The following TLL1 variants were observed in gnomAD, a reference collection of about 807,000 sequenced individuals.
TLL1 encodes tolloid like 1.
Under a neutral mutation model 128.2 loss-of-function variants are expected in TLL1, and 49 were observed. The observed-to-expected ratio is 0.38, with a 90% CI of 0.30 to 0.48. The LOEUF (loss-of-function observed/expected upper bound fraction) is 0.48. TLL1 is among the 20% of genes least tolerant of loss of function. The pLI is 0.96. For synonymous variants in TLL1, 454 were observed against 418.8 expected (o/e 1.08, Z -1.03); for missense variants, 1,123 against 1,242.0 (o/e 0.90, Z 1.44).
At chr4:165,890,108 C>A (rs1421976694) in intron 1 of TLL1, among the ~76,000 whole-genome samples, 1 of 152,104 alleles carries the variant, frequency 6.6e-6, no homozygotes. Context: ...GAGAAGGCCC[C>A]TTATAAAACC....
At chr4:165,937,187 T>A (rs1047661576) in intron 1 of TLL1, among the ~76,000 whole-genome samples, 1 of 152,180 alleles carries the variant, frequency 6.6e-6, no homozygotes, top group Non-Finnish European at 1.5e-5. Flanking sequence ...TATCATTTAT[T>A]ACTGTTTCTT....
At chr4:166,087,341 A>G (rs967609800) in intron 18 of TLL1, among the ~76,000 whole-genome samples, 1 of 152,184 alleles carries the variant, frequency 6.6e-6, no homozygotes, top group Non-Finnish European at 1.5e-5. Flanking sequence ...TCATAAATCC[A>G]TAAAAATATA....
intron 18 of TLL1, among the ~76,000 whole-genome samples, chr4:166,080,589 G>T (rs563668499): frequency 6.6e-6 from 1 of 151,792 alleles, no homozygotes; most frequent in South Asian, 2.1e-4. Context: ...GCCTTTTTGT[G>T]TCTCTTTTTT....
At chr4:165,888,636 T>C (rs1347744605) in intron 1 of TLL1, among the ~76,000 whole-genome samples, 2 of 152,114 alleles carry the variant, frequency 1.3e-5, no homozygotes, top group African/African-American at 4.8e-5. Flanking sequence ...TCTGTCATAA[T>C]GTCAATTCAG....
intron 6 of TLL1, among the ~76,000 whole-genome samples, chr4:166,004,729 C>G (rs1271876075): frequency 6.6e-6 from 1 of 151,938 alleles, no homozygotes; most frequent in East Asian, 1.9e-4. Flanking sequence ...TTTTATGTGA[C>G]CATTATGGTT....
intron 3 of TLL1, 138 bp from the exon 4 acceptor site, chr4:165,994,243 T>C: frequency 1.1e-6 from 1 of 930,742 alleles, no homozygotes; most frequent in Non-Finnish European, 1.7e-6. Context: ...AACTGAAGTT[T>C]TTCTTTAATG....
At chr4:166,011,820 A>G (rs1737707450) in intron 7 of TLL1, among the ~76,000 whole-genome samples, 1 of 151,288 alleles carries the variant, frequency 6.6e-6, no homozygotes, top group African/African-American at 2.4e-5. Context: ...CTATTCCTAG[A>G]TTTTTGTGTG....
At chr4:166,020,717 T>C (rs572927449) in intron 8 of TLL1, among the ~76,000 whole-genome samples, 8 of 152,326 alleles carry the variant, frequency 5.3e-5, no homozygotes, top group African/African-American at 1.4e-4. Flanking sequence ...TATAACTGTT[T>C]AGTATTTAGA....
intron 1 of TLL1, chr4:165,919,753 C>A (rs138831989): frequency 4.4e-6 from 2 of 452,422 alleles, no homozygotes; most frequent in South Asian, 1.6e-5. Flanking sequence ...TGTGGCCAGA[C>A]GTGGATGCAG....
chr4:165,966,000 A>G lies in TLL1; in HGVS notation c.170-23381A>G, dbSNP rs370122330. ...TCAAGACCAGCGTGGCCAAGATGGC[A>G]AAACCCTGTCTCTACTAAAAATACA... On this transcript the variant is annotated intron_variant, in intron 1 of 20. Transcript: ENST00000061240. 5.2e-3 allele frequency among the ~76,000 whole-genome samples: 787 copies of G among 152,096 alleles called. 12 individuals carry two copies. Among genetic ancestry groups the G allele is most frequent in the African/African-American group, 0.018 (733 of 41,520 alleles).
rs1740282972 is a variant in TLL1 at position 166,060,934 on chromosome 4, T to A, written c.2007+746T>A. Among the ~76,000 whole-genome samples, 5 of 152,336 alleles carry A rather than the reference T, an allele frequency of 3.3e-5. No individual in the cohort carries two copies. The Middle Eastern group carries it at 0.014, about 415-fold the overall frequency. On this transcript the variant is annotated intron_variant, in intron 15 of 20. Coordinates refer to ENST00000061240, the MANE Select transcript of TLL1 (RefSeq NM_012464.5). ...AACGTTTGTTTTGTTTCGTCTTCTG[T>A]ACGTTCTCTTCTTTTTCTAACTTCC... is the stretch of plus-strand genomic sequence containing the variant.
At chr4:166,021,603 T>G (rs976152319) in intron 8 of TLL1, among the ~76,000 whole-genome samples, 7 of 152,066 alleles carry the variant, frequency 4.6e-5, no homozygotes, top group African/African-American at 1.7e-4. Flanking sequence ...CGGCTAAATT[T>G]TGTATTTTTA....
chr4:165,966,654 C>T (rs756025082), intron 1 of TLL1, among the ~76,000 whole-genome samples: 7 of 152,116 alleles, frequency 4.6e-5, no homozygotes, highest in Non-Finnish European at 5.9e-5. Context: ...CATCACATGT[C>T]GGCAGGTTCC....
intron 1 of TLL1, among the ~76,000 whole-genome samples, chr4:165,909,385 A>G (rs980972349): frequency 6.6e-6 from 1 of 152,216 alleles, no homozygotes. Flanking sequence ...TTTAAAGTTC[A>G]GAGGAGAGTC....
At chr4:165,969,034 A>G (rs1316871473) in intron 1 of TLL1, among the ~76,000 whole-genome samples, 1 of 152,200 alleles carries the variant, frequency 6.6e-6, no homozygotes, top group Non-Finnish European at 1.5e-5. Flanking sequence ...AGCAAAACCC[A>G]AAACGTATTT....
chr4:166,051,902 A>G (rs1739757938), intron 12 of TLL1, among the ~76,000 whole-genome samples: 1 of 152,224 alleles, frequency 6.6e-6, no homozygotes, highest in African/African-American at 2.4e-5. Flanking sequence ...ATAAATATGT[A>G]CTAGTGAATT....
At position 166,075,103 on chromosome 4, in the gene TLL1, A is replaced by G. The variant is rs147122722; in HGVS notation, c.2314+100A>G. 72 of 1,531,882 alleles carry G rather than the reference A, an allele frequency of 4.7e-5. 1 individual carries two copies. In the East Asian group the frequency reaches 1.5e-3, roughly 33 times the overall value. The allele number at this position is 1,531,882 out of a possible 1,614,324, so 94.9% of individuals were successfully genotyped here. ...AGAGTTAATCATTTCAATGAGTGAT[A>G]TCATGGTGGGCTATCCAAATGTCAA... On this transcript the variant is annotated intron_variant, in intron 17 of 20. Coordinates refer to ENST00000061240, the MANE Select transcript of TLL1 (RefSeq NM_012464.5).
Position 166,042,003 on chromosome 4 carries a change from T to C in TLL1, c.1262-24T>C, listed in dbSNP as rs780486857. The C allele has an allele frequency of 1.6e-5, 24 of 1,525,014 alleles. No individual in the cohort carries two copies. The Admixed American group carries it at 4.0e-4, about 26-fold the overall frequency. 94.5% of individuals were successfully genotyped at this position (1,525,014 alleles called of 1,614,324 possible). ...ATATAGAGTCCTATTTAGGAGTTTC[T>C]CTTTATTCTTTTATTTCTTTTAGGT... On this transcript the variant is annotated intron_variant, in intron 10 of 20. Coordinates refer to ENST00000061240, the MANE Select transcript of TLL1 (RefSeq NM_012464.5).
intron 12 of TLL1, chr4:166,044,334 C>A (rs930471089): frequency 1.3e-6 from 2 of 1,532,240 alleles, no homozygotes; most frequent in Admixed American, 2.0e-5. Flanking sequence ...GGGCAGTGAC[C>A]GTGGTCATGG....
Sources: allele counts gnomAD v4.1 joint callset (sites outside exome capture counted in the v4.1 genomes callset), GRCh38; gene constraint gnomAD v4.1.1; transcripts MANE v1.5; gene names NCBI Gene and HGNC (gene_info 2026-07-23, HGNC 2026-07-21).